The following TBC1D5 variants were observed in gnomAD, a reference collection of about 807,000 sequenced individuals.
The protein encoded by TBC1D5 is TBC1 domain family member 5, also known as TBC1 domain family, member 5.
Under a neutral mutation model 100.3 loss-of-function variants are expected in TBC1D5, and 75 were observed. The ratio of observed to expected loss-of-function variants is 0.75; its 90% CI spans 0.62 to 0.91. TBC1D5 has a LOEUF of 0.91. TBC1D5 is among the 40% of genes least tolerant of loss of function. The probability of loss-of-function intolerance (pLI) is 0.00; values close to 1 mark genes in which losing one functional copy is unlikely to be tolerated. For missense variants in TBC1D5, 910 were observed against 942.4 expected (o/e 0.97, Z 0.45); for synonymous variants, 323 against 325.6 (o/e 0.99, Z 0.09).
intron 1 of TBC1D5, among the ~76,000 whole-genome samples, chr3:17,716,799 A>G (rs2075274900): frequency 6.6e-6 from 1 of 152,162 alleles, no homozygotes; most frequent in Non-Finnish European, 1.5e-5. Flanking sequence ...ATATTTGTAG[A>G]GCAGAGAGAA....
intron 18 of TBC1D5, among the ~76,000 whole-genome samples, chr3:17,187,789 G>A (rs982831493): frequency 6.6e-6 from 1 of 152,140 alleles, no homozygotes; most frequent in African/African-American, 2.4e-5. Flanking sequence ...CCTGTGTTTC[G>A]CCTTACAAGT....
intron 1 of TBC1D5, among the ~76,000 whole-genome samples, chr3:17,676,012 C>T (rs2068579722): frequency 6.6e-6 from 1 of 151,966 alleles, no homozygotes; most frequent in Non-Finnish European, 1.5e-5. Flanking sequence ...TAATTAAATG[C>T]ATCAAGAAAG....
chr3:17,624,084 T>C (rs992070855), intron 1 of TBC1D5, among the ~76,000 whole-genome samples, 171 bp from the exon 2 acceptor site: 1 of 152,172 alleles, frequency 6.6e-6, no homozygotes, highest in Non-Finnish European at 1.5e-5. Flanking sequence ...AAATTAAGGG[T>C]TTATACTGAG....
chr3:17,586,160 A>T (rs2153549381), intron 2 of TBC1D5, among the ~76,000 whole-genome samples: 1 of 152,346 alleles, frequency 6.6e-6, no homozygotes, highest in South Asian at 2.1e-4. Flanking sequence ...GGACAGAAAC[A>T]GATCAGGAAA....
chr3:17,193,016 ATTTT>A (rs2070160839), intron 18 of TBC1D5, among the ~76,000 whole-genome samples: 1 of 152,230 alleles, frequency 6.6e-6, no homozygotes, highest in African/African-American at 2.4e-5. Context: ...ACTCCACAGG[ATTTT>A]GTATCACTTT....
chr3:17,732,744 T>TAAATAAATAAATAAATAAATAAAA lies in TBC1D5; in HGVS notation c.-101+6598_-101+6599insTTTTATTTATTTATTTATTTATTT, dbSNP rs1560579923. On this transcript the variant is annotated intron_variant, in intron 1 of 21. Coordinates refer to ENST00000253692, the Ensembl canonical transcript of TBC1D5. ...AAAAATAAATAAATAAATAAATAAA[T>TAAATAAATAAATAAATAAATAAAA]AAAATTTAAATATATATCTATAATT... is the stretch of plus-strand genomic sequence containing the variant. Among the ~76,000 whole-genome samples, 9 of 151,388 alleles carry TAAATAAATAAATAAATAAATAAAA rather than the reference T, an allele frequency of 5.9e-5. No homozygotes were observed. The East Asian group carries it at 1.4e-3, about 23-fold the overall frequency.
intron 2 of TBC1D5, among the ~76,000 whole-genome samples, chr3:17,607,550 A>G (rs1576989516): frequency 6.6e-6 from 1 of 151,914 alleles, no homozygotes; most frequent in South Asian, 2.1e-4. Flanking sequence ...GCTTAAAGAA[A>G]AAAAAAAAAA....
At chr3:17,728,529 G>C (rs2076301904) in intron 1 of TBC1D5, among the ~76,000 whole-genome samples, 1 of 152,076 alleles carries the variant, frequency 6.6e-6, no homozygotes. Context: ...TACATATAGA[G>C]ACAAACGGCT....
At chr3:17,591,233 C>A (rs13071564) in intron 2 of TBC1D5, among the ~76,000 whole-genome samples, 15 of 18,662 alleles carry the variant, frequency 8.0e-4, no homozygotes, top group South Asian at 6.8e-3. Flanking sequence ...AAGGATCTGT[C>A]AAAAAAAAAA....
chr3:17,671,977 GAAGA>G (rs1310702016), intron 1 of TBC1D5, among the ~76,000 whole-genome samples: 2 of 152,104 alleles, frequency 1.3e-5, no homozygotes, highest in Non-Finnish European at 2.9e-5. Context: ...TTTATTTCAA[GAAGA>G]AATACTTTAA....
chr3:17,711,700 G>T (rs2074751125), intron 1 of TBC1D5, among the ~76,000 whole-genome samples: 1 of 152,046 alleles, frequency 6.6e-6, no homozygotes, highest in Non-Finnish European at 1.5e-5. Context: ...GTGGCTTTAG[G>T]TCATTCATTT....
At chr3:17,470,747 C>G (rs2095363116) in intron 3 of TBC1D5, among the ~76,000 whole-genome samples, 1 of 152,026 alleles carries the variant, frequency 6.6e-6, no homozygotes, top group Non-Finnish European at 1.5e-5. Context: ...TGATGAAACC[C>G]TGTATCTATT....
chr3:17,678,531 A>G (rs761903308), intron 1 of TBC1D5, among the ~76,000 whole-genome samples: 2 of 152,324 alleles, frequency 1.3e-5, no homozygotes, highest in South Asian at 2.1e-4. Context: ...GAAGTTACTC[A>G]TAACAGAACA....
chr3:17,363,833 A>T (rs948162624), intron 13 of TBC1D5, among the ~76,000 whole-genome samples: 16 of 151,850 alleles, frequency 1.1e-4, no homozygotes, highest in Non-Finnish European at 7.4e-5. Context: ...TTTCTTACCA[A>T]ATTTAGGACT....
At chr3:17,459,667 A>C (rs1255869313) in intron 3 of TBC1D5, among the ~76,000 whole-genome samples, 1 of 152,020 alleles carries the variant, frequency 6.6e-6, no homozygotes, top group East Asian at 1.9e-4. Flanking sequence ...GGAGGCTGAA[A>C]TGGGAGGACT....
intron 2 of TBC1D5, among the ~76,000 whole-genome samples, chr3:17,542,993 TAC>T (rs1312896749): frequency 6.6e-6 from 1 of 152,210 alleles, no homozygotes; most frequent in African/African-American, 2.4e-5. Context: ...ACTAGAATAT[TAC>T]ACATAGAATT....
At chr3:17,669,397 A>C (rs1284917412) in intron 1 of TBC1D5, among the ~76,000 whole-genome samples, 2 of 152,214 alleles carry the variant, frequency 1.3e-5, no homozygotes, top group Non-Finnish European at 2.9e-5. Context: ...TTTATAATTC[A>C]GGGGTTAAAA....
intron 13 of TBC1D5, among the ~76,000 whole-genome samples, chr3:17,330,717 G>C (rs796567964): frequency 4.6e-5 from 7 of 152,162 alleles, no homozygotes; most frequent in African/African-American, 1.4e-4. Context: ...TATATTCCCT[G>C]TGATTTTCAG....
chr3:17,289,870 C>T (rs1236215956), intron 15 of TBC1D5, among the ~76,000 whole-genome samples: 1 of 152,196 alleles, frequency 6.6e-6, no homozygotes, highest in Non-Finnish European at 1.5e-5. Flanking sequence ...TATTAACACA[C>T]GTGTCAAGTG....
Sources: gnomAD v4.1 joint callset for allele counts (sites outside exome capture counted in the v4.1 genomes callset) on GRCh38, gnomAD v4.1.1 for gene constraint, MANE v1.5 for transcripts, NCBI Gene and HGNC (gene_info 2026-07-23, HGNC 2026-07-21) for gene names.